Variants in ROBO1 observed in about 807,000 individuals in gnomAD.
The protein encoded by ROBO1 is roundabout homolog 1.
A neutral mutation model predicts 195.9 loss-of-function variants in ROBO1; 149 were observed. The ratio of observed to expected loss-of-function variants is 0.76; its 90% confidence interval spans 0.67 to 0.87. The LOEUF (loss-of-function observed/expected upper bound fraction) is 0.87, where lower values mean the gene tolerates loss of function less well. Among genes scored for constraint, ROBO1 ranks in the 40% least tolerant of loss-of-function variants. The pLI is 0.00. For synonymous variants in ROBO1, 816 were observed against 733.2 expected, an observed-to-expected ratio of 1.11 and a Z score of -1.82; for missense variants, 1,933 against 2,068.3, an observed-to-expected ratio of 0.93 and a Z score of 1.27.
At chr3:78,962,349 A>G (rs189597209) in intron 3 of ROBO1, among the ~76,000 whole-genome samples, 206 of 151,768 alleles carry the variant, frequency 1.4e-3, no homozygotes, top group African/African-American at 4.1e-3. Context: ...CTTTAAAAAT[A>G]TAAGTATAAT....
At chr3:79,212,120 C>CT (rs2081975831) in intron 2 of ROBO1, among the ~76,000 whole-genome samples, 1 of 152,208 alleles carries the variant, frequency 6.6e-6, no homozygotes, top group African/African-American at 2.4e-5. Context: ...CGCCTTTAAG[C>CT]AGTTTTCCCG....
At chr3:79,124,325 T>C (rs2080175302) in intron 3 of ROBO1, among the ~76,000 whole-genome samples, 1 of 152,124 alleles carries the variant, frequency 6.6e-6, no homozygotes. Context: ...TAAAGTTGTT[T>C]ATAAAGGTCT....
chr3:79,649,662 A>T lies in ROBO1; in HGVS notation c.-50-59701T>A, dbSNP rs970361022. Among the ~76,000 whole-genome samples the T allele has an allele frequency of 5.3e-5, 8 of 152,150 alleles. 1 individual carries two copies. Among genetic ancestry groups the T allele is most frequent in the Admixed American group, 3.3e-4 (5 of 15,254 alleles). On this transcript the variant is annotated intron_variant, in intron 1 of 30. Transcript: ENST00000464233. ...CAACTTGAATGGATGAAGGAATACC[A>T]GGAAACCTAGTAAAGCATTTATTTG... is the stretch of plus-strand genomic sequence containing the variant.
intron 2 of ROBO1, among the ~76,000 whole-genome samples, chr3:79,184,276 C>T (rs953367120): frequency 6.6e-6 from 1 of 152,124 alleles, no homozygotes; most frequent in African/African-American, 2.4e-5. Flanking sequence ...TTCCCTCAAT[C>T]GGGCCTCTTT....
chr3:78,887,804 C>A (rs2036652943), intron 4 of ROBO1, among the ~76,000 whole-genome samples: 1 of 152,228 alleles, frequency 6.6e-6, no homozygotes, highest in South Asian at 2.1e-4. Flanking sequence ...CAGCTCAAAC[C>A]TCCCTTCTAA....
At chr3:79,493,475 T>A (rs1939572963) in intron 2 of ROBO1, among the ~76,000 whole-genome samples, 1 of 152,012 alleles carries the variant, frequency 6.6e-6, no homozygotes, top group South Asian at 2.1e-4. Flanking sequence ...CCTAAGGATA[T>A]CAAAATAAAT....
chr3:79,448,418 A>G (rs1251260191), intron 2 of ROBO1, among the ~76,000 whole-genome samples: 1 of 152,088 alleles, frequency 6.6e-6, no homozygotes, highest in African/African-American at 2.4e-5. Flanking sequence ...AATTCTATTC[A>G]TTTATCTTTC....
At chr3:79,316,422 G>C (rs1336817754) in intron 2 of ROBO1, among the ~76,000 whole-genome samples, 1 of 152,156 alleles carries the variant, frequency 6.6e-6, no homozygotes, top group Non-Finnish European at 1.5e-5. Flanking sequence ...TATTCCCAGA[G>C]AGGGAATGGG....
intron 2 of ROBO1, among the ~76,000 whole-genome samples, chr3:79,157,260 A>G (rs539987283): frequency 6.6e-6 from 1 of 151,840 alleles, no homozygotes; most frequent in Non-Finnish European, 1.5e-5. Context: ...AGTGTCTACC[A>G]TCATTGACAG....
intron 1 of ROBO1, among the ~76,000 whole-genome samples, chr3:79,665,208 G>A (rs1946441474): frequency 6.6e-6 from 1 of 151,710 alleles, no homozygotes; most frequent in Admixed American, 6.6e-5. Flanking sequence ...ATATACATCT[G>A]GGAGAGCTGT....
At chr3:79,607,111 A>ACACACACACC (rs1202403467) in intron 1 of ROBO1, among the ~76,000 whole-genome samples, 2 of 150,824 alleles carry the variant, frequency 1.3e-5, no homozygotes, top group Non-Finnish European at 3.0e-5. Flanking sequence ...ACACACACAC[A>ACACACACACC]CACACACACA....
At chr3:79,457,823 TC>T (rs1258516898) in intron 2 of ROBO1, among the ~76,000 whole-genome samples, 1 of 152,128 alleles carries the variant, frequency 6.6e-6, no homozygotes, top group Non-Finnish European at 1.5e-5. Flanking sequence ...AACCTCTTTT[TC>T]TTTATAAATT....
intron 2 of ROBO1, among the ~76,000 whole-genome samples, chr3:79,406,007 G>A (rs897943558): frequency 1.2e-4 from 18 of 152,064 alleles, no homozygotes; most frequent in Non-Finnish European, 2.9e-5. Context: ...AATAGCAATG[G>A]TAGTTATTTT....
At chr3:79,038,726 A>C (rs984007657) in intron 3 of ROBO1, among the ~76,000 whole-genome samples, 2 of 152,086 alleles carry the variant, frequency 1.3e-5, no homozygotes, top group Non-Finnish European at 2.9e-5. Context: ...AAAAAAAAAA[A>C]AAAACTCTCC....
intron 5 of ROBO1, 50 bp from the exon 6 acceptor site, chr3:78,717,933 T>C (rs1559782347): frequency 6.3e-7 from 1 of 1,581,790 alleles, no homozygotes. Flanking sequence ...TTCAGCTATG[T>C]TTACATGACA....
At chr3:79,193,522 C>T (rs192615524) in intron 2 of ROBO1, among the ~76,000 whole-genome samples, 35 of 145,266 alleles carry the variant, frequency 2.4e-4, no homozygotes, top group Admixed American at 2.1e-3. Flanking sequence ...GCATTCTGGT[C>T]TATTTCAAGA....
chr3:79,114,554 G>A (rs951441027), intron 3 of ROBO1, among the ~76,000 whole-genome samples: 1 of 151,970 alleles, frequency 6.6e-6, no homozygotes. Flanking sequence ...CATAGATCTT[G>A]GTGAGCAGTA....
At chr3:78,629,218 T>C (rs1705016791) in intron 25 of ROBO1, among the ~76,000 whole-genome samples, 2 of 152,210 alleles carry the variant, frequency 1.3e-5, no homozygotes, top group Admixed American at 1.3e-4. Context: ...CAAGAACAAA[T>C]GTAGCCAATC....
At chr3:79,191,967 G>A (rs1377400802) in intron 2 of ROBO1, among the ~76,000 whole-genome samples, 2 of 151,454 alleles carry the variant, frequency 1.3e-5, no homozygotes, top group African/African-American at 4.8e-5. Flanking sequence ...ATTTTATTGT[G>A]CAGAGGGACT....
Sources: gnomAD v4.1 joint callset for allele counts (sites outside exome capture counted in the v4.1 genomes callset) on GRCh38, gnomAD v4.1.1 for gene constraint, MANE v1.5 for transcripts, NCBI Gene and HGNC (gene_info 2026-07-23, HGNC 2026-07-21) for gene names.